The following AMBRA1 variants were observed in gnomAD, a reference collection of about 807,000 sequenced individuals.
AMBRA1 encodes autophagy and beclin 1 regulator 1.
In AMBRA1, 47 loss-of-function variants were observed where a neutral mutation model predicts 125.4. The ratio of observed to expected loss-of-function variants is 0.37; its 90% CI spans 0.30 to 0.48. AMBRA1 has a LOEUF of 0.48. Among genes scored for constraint, AMBRA1 ranks in the 20% least tolerant of loss-of-function variants. AMBRA1 has a pLI of 0.99. For synonymous variants in AMBRA1, 626 were observed against 655.5 expected, an observed-to-expected ratio of 0.95 and a Z score of 0.69; for missense variants, 1,331 against 1,693.4, an observed-to-expected ratio of 0.79 and a Z score of 3.76.
In AMBRA1 at chr11:46,429,302, C is replaced by T. The variant is rs527254335; in HGVS notation, c.2976+4172G>A. Among the ~76,000 whole-genome samples, 5 of 152,304 alleles carry T rather than the reference C, an allele frequency of 3.3e-5. No individual in the cohort carries two copies. In the East Asian group the frequency reaches 9.7e-4, roughly 29 times the overall value. ...TGGGGAGTGGGAGAGAGGCCCCCTG[C>T]CCGCATCCTGGGGAGGAGCAGCCGC... On this transcript the variant is annotated intron_variant, in intron 14 of 17. Transcript: ENST00000683756.
At chr11:46,416,462 CTT>C (rs1408135302) in intron 15 of AMBRA1, among the ~76,000 whole-genome samples, 1 of 152,194 alleles carries the variant, frequency 6.6e-6, no homozygotes, top group Non-Finnish European at 1.5e-5. Flanking sequence ...AGTAGTCTGT[CTT>C]TGGGAGGAGC....
chr11:46,447,711 GATA>G (rs1948364950), intron 11 of AMBRA1, among the ~76,000 whole-genome samples: 1 of 76 alleles, frequency 0.013, no homozygotes, highest in African/African-American at 0.033. Flanking sequence ...CCATCTTGTA[GATA>G]GATAGATAGA....
chr11:46,542,148 C>T lies in AMBRA1; in HGVS notation c.1869G>A (p.Glu623=), dbSNP rs764096778. 1.4e-5 allele frequency: 23 copies of T among 1,613,676 alleles called. No homozygotes were observed. The highest frequency in any genetic ancestry group is 7.6e-6 in the Non-Finnish European group (9 of 1,179,828). The change falls in exon 7 of 18, where the codon GAG becomes GAA. Residue 623 remains glutamate, a synonymous_variant. Coordinates refer to ENST00000683756, the MANE Select transcript of AMBRA1 (RefSeq NM_001387011.1). This position sits in a 1 kb window ranked among gnomAD's most constrained non-coding sequence, Gnocchi z 5.9. ...GSQLPPLERT[E]GQTPSSSRLE... ...GCCTGCTGGAGCTGGGCGTTTGGCC[C>T]TCAGTCCGCTCGAGAGGTGGCAACT...
At chr11:46,411,714 C>T (rs1419263514) in intron 15 of AMBRA1, among the ~76,000 whole-genome samples, 1 of 152,198 alleles carries the variant, frequency 6.6e-6, no homozygotes, top group Non-Finnish European at 1.5e-5. Context: ...AGTGATCTGC[C>T]CACCTTGGCC....
chr11:46,503,108 C>T (rs574205072), intron 9 of AMBRA1, among the ~76,000 whole-genome samples: 2 of 143,972 alleles, frequency 1.4e-5, no homozygotes, highest in South Asian at 4.6e-4. Flanking sequence ...GCTTTGTGTT[C>T]ACAACTTGGC....
intron 11 of AMBRA1, among the ~76,000 whole-genome samples, chr11:46,466,901 T>C (rs1949350924): frequency 7.0e-6 from 1 of 142,806 alleles, no homozygotes; most frequent in Admixed American, 7.7e-5. Flanking sequence ...TACTAATGTT[T>C]CTTTTTTTCT....
At chr11:46,565,333 A>T (rs1214067326) in intron 1 of AMBRA1, among the ~76,000 whole-genome samples, 2 of 152,102 alleles carry the variant, frequency 1.3e-5, no homozygotes, top group East Asian at 3.8e-4. Context: ...TTAAATTAAA[A>T]AAATCAATAT....
chr11:46,422,682 C>G (rs1286809739), intron 14 of AMBRA1, among the ~76,000 whole-genome samples: 5 of 151,748 alleles, frequency 3.3e-5, no homozygotes, highest in Non-Finnish European at 7.4e-5. Context: ...TATTTTTTTT[C>G]CCCTACTGCA....
chr11:46,590,061 T>C (rs77244134), intron 1 of AMBRA1, among the ~76,000 whole-genome samples: 93 of 152,136 alleles, frequency 6.1e-4, no homozygotes, highest in Non-Finnish European at 7.9e-4. Context: ...ATTGAAAATA[T>C]TGTGAAAATT....
rs1257105229 is a variant in AMBRA1 at position 46,563,910 on chromosome 11, T to C, written c.-120-15410A>G. 1.1e-3 allele frequency among the ~76,000 whole-genome samples: 161 copies of C among 146,160 alleles called. 3 individuals are homozygous for C. The highest frequency in any genetic ancestry group is 4.5e-4 in the Non-Finnish European group (30 of 66,778). On this transcript the variant is annotated intron_variant, in intron 1 of 17. Coordinates refer to ENST00000683756, the MANE Select transcript of AMBRA1 (RefSeq NM_001387011.1). ...CTGTAATCTCAGCACTTTGGGAGGC[T>C]GGGGTGTGTGGATCACCTGAAGTCA...
intron 15 of AMBRA1, among the ~76,000 whole-genome samples, chr11:46,415,334 A>G (rs1565132734): frequency 6.6e-6 from 1 of 152,240 alleles, no homozygotes; most frequent in Non-Finnish European, 1.5e-5. Flanking sequence ...CTAAAGCTGC[A>G]TTCTTTACCT....
intron 17 of AMBRA1, among the ~76,000 whole-genome samples, chr11:46,404,858 T>C (rs1032971862): frequency 6.6e-6 from 1 of 152,080 alleles, no homozygotes; most frequent in Non-Finnish European, 1.5e-5. Context: ...AAGCCAGAAA[T>C]GGGCTGCATG....
At chr11:46,477,737 A>G (rs1163883069) in intron 11 of AMBRA1, among the ~76,000 whole-genome samples, 3 of 152,046 alleles carry the variant, frequency 2.0e-5, no homozygotes, top group Non-Finnish European at 4.4e-5. Flanking sequence ...CCAGCCCATC[A>G]GCGACTGAGG....
chr11:46,435,613 T>C (rs538189061), intron 12 of AMBRA1, among the ~76,000 whole-genome samples: 2 of 152,356 alleles, frequency 1.3e-5, no homozygotes, highest in East Asian at 3.9e-4. Context: ...AATCTCTAAC[T>C]CTACCAAGAG....
At chr11:46,465,562 G>A (rs1949288195) in intron 11 of AMBRA1, among the ~76,000 whole-genome samples, 1 of 152,110 alleles carries the variant, frequency 6.6e-6, no homozygotes, top group African/African-American at 2.4e-5. Context: ...GGGCTCAACA[G>A]GCTAAGATAT....
rs529680638 is a variant in AMBRA1 at position 46,459,462 on chromosome 11, C to T, written c.2522-15864G>A. 3.3e-5 allele frequency among the ~76,000 whole-genome samples: 5 copies of T among 151,984 alleles called. No homozygotes were observed. The South Asian group carries it at 1.0e-3, about 32-fold the overall frequency. On this transcript the variant is annotated intron_variant, in intron 11 of 17. Coordinates refer to ENST00000683756, the MANE Select transcript of AMBRA1 (RefSeq NM_001387011.1). ...AACAACTTAATAAAAAATTTATATC[C>T]TAGATTGGGAAACCGACGCAAGTGG... is the stretch of plus-strand genomic sequence containing the variant.
intron 17 of AMBRA1, 49 bp from the exon 18 acceptor site, chr11:46,397,992 C>G: frequency 6.5e-7 from 1 of 1,532,750 alleles, no homozygotes; most frequent in Non-Finnish European, 8.8e-7. Context: ...CTGGCCTGGG[C>G]CTCTGAGGCA....
intron 5 of AMBRA1, among the ~76,000 whole-genome samples, 199 bp downstream of exon 5, chr11:46,545,405 T>C (rs1242906650): frequency 6.6e-6 from 1 of 151,554 alleles, no homozygotes; most frequent in African/African-American, 2.4e-5. Flanking sequence ...GAGGTCGCAG[T>C]GAGACAAGAC....
Position 46,542,691 on chromosome 11 carries a change from G to A in AMBRA1, c.1326C>T (p.Ala442=). The A allele has an allele frequency of 6.2e-7, 1 of 1,614,144 alleles. No individual in the cohort carries two copies. Among genetic ancestry groups the A allele is most frequent in the East Asian group, 2.2e-5 (1 of 44,876 alleles). Residue 442 remains alanine (A), a synonymous_variant, in exon 7 of 18, where the codon GCC becomes GCT. Transcript: ENST00000683756. The surrounding 1 kb of genome is among the most constrained non-coding windows in gnomAD (Gnocchi z 5.9). ...GCACAGACAGCAAACTCACCGAAGA[G>A]GCACTGGTTCTGGGCGGGGGCATGG... ...AESMPPPRTS[A]SSVSLLSVLR... is the part of the protein sequence containing the mutation.
Sources: allele counts gnomAD v4.1 joint callset (sites outside exome capture counted in the v4.1 genomes callset), GRCh38; gene constraint gnomAD v4.1.1; non-coding constraint Gnocchi (gnomAD v3.1); transcripts MANE v1.5; gene names NCBI Gene and HGNC (gene_info 2026-07-23, HGNC 2026-07-21).